EEF1D: variants seen among roughly 807,000 people sequenced by gnomAD.
EEF1D encodes the protein elongation factor 1-delta.
EEF1D carries 47 observed loss-of-function variants against 63.9 expected under a neutral mutation model. That is an observed-to-expected ratio of 0.74 (90% CI 0.58 to 0.94). The LOEUF is 0.94. Among genes scored for constraint, EEF1D ranks in the 40% least tolerant of loss-of-function variants. EEF1D has a pLI of 0.00. For missense variants in EEF1D, 907 were observed against 899.0 expected, an observed-to-expected ratio of 1.01 and a Z score of -0.11; for synonymous variants, 412 against 386.1, an observed-to-expected ratio of 1.07 and a Z score of -0.79.
chr8:143,589,371 G>A lies in EEF1D; in HGVS notation c.711C>T (p.Pro237=), dbSNP rs760813431. Residue 237 remains proline, a synonymous_variant, in exon 3 of 10, where the codon CCC becomes CCT. Coordinates refer to ENST00000618139, the MANE Select transcript of EEF1D (RefSeq NM_001130053.5). ...ALVREVWLEK[P]RYDAAERGFY... ...AGCCCCTCTCGGCTGCATCATACCGGGGCTTCTCCAGCCACACCTCCCGAA... is the reference window on the plus strand; with the variant it reads ...AGCCCCTCTCGGCTGCATCATACCGAGGCTTCTCCAGCCACACCTCCCGAA... 1 of 1,554,600 alleles carries A rather than the reference G, an allele frequency of 6.4e-7. No individual in the cohort carries two copies. Among genetic ancestry groups the A allele is most frequent in the Non-Finnish European group, 8.7e-7 (1 of 1,146,360 alleles).
intron 1 of EEF1D, among the ~76,000 whole-genome samples, chr8:143,595,708 G>GC (rs1828687520): frequency 6.6e-6 from 1 of 152,130 alleles, no homozygotes. Flanking sequence ...GCCACTGCAG[G>GC]CCAGCTCCAT....
chr8:143,597,245 C>T (rs965456701), intron 1 of EEF1D, 103 bp downstream of exon 1: 3 of 152,198 alleles, frequency 2.0e-5, no homozygotes, highest in Non-Finnish European at 4.4e-5. Context: ...GCCTCAGTCC[C>T]TAACGGCGCG....
Position 143,580,155 on chromosome 8 carries a change from G to A in EEF1D, c.1762C>T (p.Gln588Ter). The change falls in exon 9 of 10, where the codon CAG (glutamine) becomes TAG (stop). Residue 588 changes from glutamine to a stop codon, truncating the protein, a stop_gained. Transcript: ENST00000618139. LOFTEE classifies it high-confidence loss of function. ...GCCCCCCAGACCAGCCCGTCCAGCT[G>A]GATAGAGCGCACACAGGCCTCCAGC... The part of the protein sequence containing the change: ...AQLEACVRSI[Q>*]LDGLVWGASK... 1 of 1,613,816 alleles carries A rather than the reference G, an allele frequency of 6.2e-7. No individual in the cohort carries two copies. The highest frequency in any genetic ancestry group is 8.5e-7 in the Non-Finnish European group (1 of 1,180,022).
chr8:143,589,314 TG>T lies in EEF1D; in HGVS notation c.767del (p.Pro256GlnfsTer29). The T allele has an allele frequency of 1.3e-6, 2 of 1,586,964 alleles. No homozygotes were observed. The highest frequency in any genetic ancestry group is 1.7e-6 in the Non-Finnish European group (2 of 1,166,064). ...FYEALFDGHP[P>X]GKVRLQERAG... ...CTCGCTCTTGCAGGCGCACCTTCCC[TG>T]GGGGATGGCCGTCAAACAGGGCCTC... is the stretch of plus-strand genomic sequence containing the variant. On this transcript the variant is annotated frameshift_variant, in exon 3 of 10. Transcript: ENST00000618139. LOFTEE classifies it high-confidence loss of function.
intron 1 of EEF1D, chr8:143,594,438 G>A (rs1199101236): frequency 5.9e-5 from 9 of 152,506 alleles, no homozygotes; most frequent in African/African-American, 1.2e-4. Flanking sequence ...AGGTCAGGAG[G>A]GCAGGGCCCT....
At chr8:143,581,414 A>G in intron 5 of EEF1D, 86 bp from the exon 6 acceptor site, 1 of 1,243,138 alleles carries the variant, frequency 8.0e-7, no homozygotes, top group Non-Finnish European at 1.1e-6. Context: ...GAACTCACGG[A>G]AGGAAAACTA....
chr8:143,589,171 T>C lies in EEF1D; in HGVS notation c.911A>G (p.Tyr304Cys). ...TGCATCCTTCTGCAGGAAGTAACAG[T>C]AGGGCAAGGCAGAGGGGGCCTCCCC... ...ADGEAPSALP[Y>C]CYFLQKDAEA... is the part of the protein sequence containing the mutation. The change falls in exon 3 of 10, where the codon TAC becomes TGC. Residue 304 changes from tyrosine to cysteine, a missense_variant. Coordinates refer to ENST00000618139, the MANE Select transcript of EEF1D (RefSeq NM_001130053.5). 1 of 1,604,880 alleles carries C rather than the reference T, an allele frequency of 6.2e-7. No homozygotes were observed.
At chr8:143,581,196 G>A in intron 6 of EEF1D, 33 bp downstream of exon 6, 2 of 1,612,634 alleles carry the variant, frequency 1.2e-6, no homozygotes, top group South Asian at 1.1e-5. Flanking sequence ...CAGGGGCCAG[G>A]GACAGCCCCA....
chr8:143,581,637 G>A (rs561247260), intron 5 of EEF1D: 7 of 479,394 alleles, frequency 1.5e-5, no homozygotes, highest in Non-Finnish European at 2.6e-5. Context: ...CTCAGAGGCT[G>A]GGTGGGAGGT....
At chr8:143,580,991 CG>C in intron 7 of EEF1D, 62 bp downstream of exon 7, 1 of 1,549,442 alleles carries the variant, frequency 6.5e-7, no homozygotes, top group Non-Finnish European at 8.9e-7. Flanking sequence ...GCCCACAGGG[CG>C]ACGTGGAAGC....
chr8:143,594,932 G>A (rs1175204000), intron 1 of EEF1D, among the ~76,000 whole-genome samples: 2 of 152,226 alleles, frequency 1.3e-5, no homozygotes, highest in African/African-American at 2.4e-5. Flanking sequence ...TTGAGACGGA[G>A]TCTCACTCTG....
intron 3 of EEF1D, among the ~76,000 whole-genome samples, chr8:143,588,239 C>G (rs796072340): frequency 3.9e-5 from 6 of 152,290 alleles, no homozygotes; most frequent in African/African-American, 7.2e-5. Context: ...TGCTTGGGAC[C>G]TTCAGAGTCC....
chr8:143,585,395 C>G (rs1826379520), intron 5 of EEF1D, among the ~76,000 whole-genome samples: 1 of 152,168 alleles, frequency 6.6e-6, no homozygotes, highest in Non-Finnish European at 1.5e-5. Context: ...GGCAAAGGAA[C>G]AGACTCCTCC....
rs751148186 is a variant in EEF1D at position 143,589,318 on chromosome 8, G to C, written c.764C>G (p.Pro255Arg). 6.3e-7 allele frequency: 1 copy of C among 1,586,400 alleles called. No homozygotes were observed. The highest frequency in any genetic ancestry group is 8.6e-7 in the Non-Finnish European group (1 of 1,165,794). ...GFYEALFDGH[P>R]PGKVRLQERA... is the part of the protein sequence containing the mutation. Reference sequence around the variant, plus strand: ...CTCTTGCAGGCGCACCTTCCCTGGGGGATGGCCGTCAAACAGGGCCTCGTA... The same window carrying C: ...CTCTTGCAGGCGCACCTTCCCTGGGCGATGGCCGTCAAACAGGGCCTCGTA... Residue 255 changes from proline (P) to arginine (R), a missense_variant, in exon 3 of 10, where the codon CCC (proline) becomes CGC (arginine). Transcript: ENST00000618139.
chr8:143,592,878 G>C (rs4874164), intron 1 of EEF1D: 1 of 163,768 alleles, frequency 6.1e-6, no homozygotes, highest in East Asian at 1.9e-4. Context: ...CACAGGTGAC[G>C]TCACTCCGTC....
chr8:143,582,525 T>A (rs2130844348), intron 5 of EEF1D: 1 of 152,298 alleles, frequency 6.6e-6, no homozygotes, highest in Middle Eastern at 3.4e-3. Context: ...CCGGAGTCTG[T>A]GAGTGGCACC....
rs1004386508 is a variant in EEF1D at position 143,581,588 on chromosome 8, GGCT to G, written c.1288-263_1288-261del. The G allele has an allele frequency of 9.0e-6, 5 of 554,816 alleles. 1 individual carries two copies. In the South Asian group the frequency reaches 9.2e-5, roughly 10 times the overall value. The allele number at this position is 554,816 out of a possible 1,614,324, so 34.4% of individuals were successfully genotyped here. A position where few individuals can be genotyped will look rare whatever the true frequency, so the allele number is the denominator to read the frequency against. Reference sequence around the variant, plus strand: ...CGGAGGCTGTGGGGAGCTGGGCCATGGCTGCTGCTGCCCGGCGGAATCCTGCTG... The same window carrying G: ...CGGAGGCTGTGGGGAGCTGGGCCATGGCTGCTGCCCGGCGGAATCCTGCTG... On this transcript the variant is annotated intron_variant, in intron 5 of 9. Coordinates refer to ENST00000618139, the MANE Select transcript of EEF1D (RefSeq NM_001130053.5).
chr8:143,590,249 C>T, intron 2 of EEF1D, 168 bp from the exon 3 acceptor site: 1 of 1,055,154 alleles, frequency 9.5e-7, no homozygotes, highest in Non-Finnish European at 1.4e-6. Context: ...CATTCGAGGA[C>T]TTCGAAGTCA....
intron 5 of EEF1D, chr8:143,581,632 A>G: frequency 2.1e-6 from 1 of 487,252 alleles, no homozygotes; most frequent in Non-Finnish European, 3.7e-6. Flanking sequence ...CCAGGCTCAG[A>G]GGCTGGGTGG....
Sources: gnomAD v4.1 joint callset for allele counts (sites outside exome capture counted in the v4.1 genomes callset) on GRCh38, gnomAD v4.1.1 for gene constraint, MANE v1.5 for transcripts, NCBI Gene and HGNC (gene_info 2026-07-23, HGNC 2026-07-21) for gene names.